Variants in TRABD2B observed in about 807,000 individuals in gnomAD.
TRABD2B encodes the protein TraB domain containing 2B.
In TRABD2B, 14 loss-of-function variants were observed where a neutral mutation model predicts 40.1. The ratio of observed to expected loss-of-function variants is 0.35; its 90% CI spans 0.23 to 0.55. The LOEUF is 0.55. Among genes scored for constraint, TRABD2B ranks in the 20% least tolerant of loss-of-function variants. The pLI is 0.90. For synonymous variants in TRABD2B, 263 were observed against 277.0 expected, an observed-to-expected ratio of 0.95 and a Z score of 0.50; for missense variants, 541 against 648.6, an observed-to-expected ratio of 0.83 and a Z score of 1.80.
chr1:47,848,100 G>A (rs1248271345), intron 2 of TRABD2B, among the ~76,000 whole-genome samples: 1 of 152,194 alleles, frequency 6.6e-6, no homozygotes, highest in Non-Finnish European at 1.5e-5. Context: ...AGCCTCCCCT[G>A]ACTCAAGGAC....
At chr1:47,991,290 T>C (rs955390005) in intron 2 of TRABD2B, among the ~76,000 whole-genome samples, 2 of 152,164 alleles carry the variant, frequency 1.3e-5, no homozygotes, top group Non-Finnish European at 2.9e-5. Context: ...TGGAGCCTCC[T>C]GCAGGGTGCC....
intron 6 of TRABD2B, among the ~76,000 whole-genome samples, chr1:47,768,744 C>T (rs776854582): frequency 6.6e-6 from 1 of 152,224 alleles, no homozygotes; most frequent in South Asian, 2.1e-4. Context: ...CTATTTTTAG[C>T]ATCATTATTA....
At chr1:47,989,838 C>G (rs1238333467) in intron 2 of TRABD2B, among the ~76,000 whole-genome samples, 1 of 152,080 alleles carries the variant, frequency 6.6e-6, no homozygotes, top group Admixed American at 6.6e-5. Context: ...CTTTCAGACA[C>G]TGGGAAAGCA....
At chr1:47,828,697 C>T (rs1170986485) in intron 2 of TRABD2B, among the ~76,000 whole-genome samples, 1 of 152,178 alleles carries the variant, frequency 6.6e-6, no homozygotes, top group East Asian at 1.9e-4. Context: ...TCAGAAGCTG[C>T]CCCTGGTATT....
At chr1:47,771,759 C>T (rs1433251466) in intron 6 of TRABD2B, among the ~76,000 whole-genome samples, 1 of 152,258 alleles carries the variant, frequency 6.6e-6, no homozygotes. Context: ...TGGACACACG[C>T]TTCGTCTGCC....
intron 2 of TRABD2B, among the ~76,000 whole-genome samples, chr1:47,944,782 A>G (rs936903220): frequency 6.6e-6 from 1 of 152,216 alleles, no homozygotes; most frequent in African/African-American, 2.4e-5. Context: ...CATGGCTACC[A>G]CAGTAGAAGA....
intron 2 of TRABD2B, among the ~76,000 whole-genome samples, chr1:47,833,841 C>A (rs1023951477): frequency 5.3e-5 from 8 of 152,218 alleles, no homozygotes; most frequent in Non-Finnish European, 1.2e-4. Context: ...CATAAAGCAA[C>A]AAGAACACAG....
chr1:47,910,302 A>G (rs1644745211), intron 2 of TRABD2B, among the ~76,000 whole-genome samples: 1 of 152,178 alleles, frequency 6.6e-6, no homozygotes, highest in African/African-American at 2.4e-5. Context: ...AGGCTAGACA[A>G]TAACTCCAAT....
chr1:47,850,426 G>A (rs182960129), intron 2 of TRABD2B, among the ~76,000 whole-genome samples: 99 of 152,350 alleles, frequency 6.5e-4, no homozygotes, highest in Admixed American at 4.0e-3. Flanking sequence ...AAAATAATCC[G>A]AAAGGCCTCT....
intron 5 of TRABD2B, 21 bp from the exon 6 acceptor site, chr1:47,775,460 A>G: frequency 8.1e-7 from 1 of 1,234,296 alleles, no homozygotes; most frequent in Non-Finnish European, 1.0e-6. Context: ...GTAATGGCAC[A>G]TGGGGCACAT....
chr1:47,877,351 G>C (rs534404140), intron 2 of TRABD2B, among the ~76,000 whole-genome samples: 36 of 152,142 alleles, frequency 2.4e-4, no homozygotes, highest in South Asian at 1.2e-3. Context: ...GGCCAAGCAG[G>C]GGATGGTGAT....
intron 2 of TRABD2B, among the ~76,000 whole-genome samples, chr1:47,880,694 G>A (rs189168615): frequency 5.8e-4 from 89 of 152,304 alleles, no homozygotes; most frequent in African/African-American, 1.3e-3. Context: ...CTGGGGAGAT[G>A]CTCCATGGGA....
chr1:47,897,876 A>G (rs1183081443), intron 2 of TRABD2B, among the ~76,000 whole-genome samples: 2 of 152,224 alleles, frequency 1.3e-5, no homozygotes, highest in Admixed American at 6.5e-5. Context: ...TAAGGATTAA[A>G]CTAACATGTA....
intron 6 of TRABD2B, among the ~76,000 whole-genome samples, chr1:47,771,225 G>A (rs74409314): frequency 1.1e-4 from 17 of 150,172 alleles, no homozygotes; most frequent in East Asian, 9.7e-4. Flanking sequence ...GAGACACTGC[G>A]TCTCTTCCCC....
chr1:47,925,674 A>T (rs1336696318), intron 2 of TRABD2B, among the ~76,000 whole-genome samples: 1 of 152,252 alleles, frequency 6.6e-6, no homozygotes, highest in Non-Finnish European at 1.5e-5. Context: ...TGTCCTAAGG[A>T]GTAAGTGTTT....
At chr1:47,800,841 G>C (rs1372923523) in intron 3 of TRABD2B, among the ~76,000 whole-genome samples, 1 of 152,196 alleles carries the variant, frequency 6.6e-6, no homozygotes, top group African/African-American at 2.4e-5. Flanking sequence ...AGGTACAATG[G>C]AAGAGTTGCA....
intron 2 of TRABD2B, among the ~76,000 whole-genome samples, chr1:47,839,449 T>C (rs1645364865): frequency 6.6e-6 from 1 of 152,194 alleles, no homozygotes; most frequent in South Asian, 2.1e-4. Context: ...TCAATGTCTC[T>C]GGATGCTACA....
intron 2 of TRABD2B, among the ~76,000 whole-genome samples, chr1:47,877,310 G>C (rs1439147031): frequency 6.6e-6 from 1 of 152,080 alleles, no homozygotes; most frequent in East Asian, 1.9e-4. Context: ...GCCAGCTCCA[G>C]GGCAGCTGGA....
chr1:47,908,411 A>T (rs1644707023), intron 2 of TRABD2B, among the ~76,000 whole-genome samples: 1 of 152,230 alleles, frequency 6.6e-6, no homozygotes, highest in East Asian at 1.9e-4. Context: ...ATTGATTGGG[A>T]GAACTCAGGC....
Sources: allele counts gnomAD v4.1 joint callset (sites outside exome capture counted in the v4.1 genomes callset), GRCh38; gene constraint gnomAD v4.1.1; transcripts MANE v1.5; gene names NCBI Gene and HGNC (gene_info 2026-07-23, HGNC 2026-07-21).